Variants in SLC10A1 observed in about 807,000 individuals in gnomAD.
SLC10A1 encodes solute carrier family 10 member 1, also known as hepatic sodium/bile acid cotransporter.
SLC10A1 carries 36 observed loss-of-function variants against 20.5 expected under a neutral mutation model. The observed-to-expected ratio is 1.75, with a 90% CI of 1.34 to 2.32. The LOEUF is 2.32. Among genes scored for constraint, SLC10A1 ranks in the 30% most tolerant of loss-of-function variants. SLC10A1 has a pLI of 0.00. For synonymous variants in SLC10A1, 188 were observed against 163.6 expected (o/e 1.15, Z -1.14); for missense variants, 545 against 439.1 (o/e 1.24, Z -2.16).
At position 69,784,722 on chromosome 14, in the gene SLC10A1, TGA is replaced by T. The variant is rs201897717; in HGVS notation, c.567+1373_567+1374del. On this transcript the variant is annotated intron_variant, in intron 2 of 4. Transcript: ENST00000216540. ...AACCAATACAGAGATATTTTAGAAATGAGAGAGAGGGGAGGCTGCTGGGCCAG... is the reference window on the plus strand; with the variant it reads ...AACCAATACAGAGATATTTTAGAAATGAGAGAGGGGAGGCTGCTGGGCCAG... Among the ~76,000 whole-genome samples the T allele has an allele frequency of 5.0e-3, 759 of 151,916 alleles. 4 individuals are homozygous for T. Among genetic ancestry groups the T allele is most frequent in the African/African-American group, 0.017 (709 of 41,376 alleles).
Position 69,779,176 on chromosome 14 carries a change from A to G in SLC10A1, c.746+6T>C, listed in dbSNP as rs1299265564. On this transcript the variant is annotated splice_donor_region_variant and intron_variant, in intron 3 of 4. Transcript: ENST00000216540. ...ACCCTTTCTTAAAAAAAAAAAAAAT[A>G]CCTACCGTCCATTGAGGCAGAAGAG... The G allele has an allele frequency of 6.4e-7, 1 of 1,561,400 alleles. No individual in the cohort carries two copies. The highest frequency in any genetic ancestry group is 2.3e-5 in the East Asian group (1 of 43,996).
chr14:69,780,477 C>T (rs1232014814), intron 2 of SLC10A1, among the ~76,000 whole-genome samples: 1 of 151,596 alleles, frequency 6.6e-6, no homozygotes, highest in African/African-American at 2.4e-5. Context: ...TTTTATATTT[C>T]CTAGTAACAT....
chr14:69,795,637 TC>T (rs1882373842), intron 1 of SLC10A1, among the ~76,000 whole-genome samples: 2 of 152,262 alleles, frequency 1.3e-5, no homozygotes, highest in South Asian at 4.1e-4. Flanking sequence ...GGTCTTAAAC[TC>T]CTGGTCTCAA....
intron 2 of SLC10A1, among the ~76,000 whole-genome samples, chr14:69,784,866 C>T (rs1883675093): frequency 6.6e-6 from 1 of 152,088 alleles, no homozygotes; most frequent in South Asian, 2.1e-4. Context: ...CCTCCATGTC[C>T]TCCAGCAGGC....
chr14:69,778,659 C>T (rs2139710160), intron 3 of SLC10A1, 130 bp from the exon 4 acceptor site: 1 of 710,240 alleles, frequency 1.4e-6, no homozygotes, highest in Non-Finnish European at 2.2e-6. Flanking sequence ...TTTGCTATTG[C>T]TGCTGGTGTT....
At chr14:69,778,181 C>T in intron 4 of SLC10A1, 152 bp downstream of exon 4, 1 of 583,668 alleles carries the variant, frequency 1.7e-6, no homozygotes, top group South Asian at 3.0e-5. Context: ...ATCTTTAATG[C>T]TTCTTGGGTG....
rs561454861 is a variant in SLC10A1 at position 69,788,102 on chromosome 14, G to T, written c.357-1795C>A. Among the ~76,000 whole-genome samples, 513 of 152,030 alleles carry T rather than the reference G, an allele frequency of 3.4e-3. 6 individuals carry two copies. The highest frequency in any genetic ancestry group is 2.2e-3 in the Non-Finnish European group (149 of 67,994). ...ACTCAAGCTGAAGCTTCATAGAGGGGTTCTGGAGGGGAGTGGGGTGTTAGT... is the reference window on the plus strand; with the variant it reads ...ACTCAAGCTGAAGCTTCATAGAGGGTTTCTGGAGGGGAGTGGGGTGTTAGT... On this transcript the variant is annotated intron_variant, in intron 1 of 4. Transcript: ENST00000216540.
intron 2 of SLC10A1, among the ~76,000 whole-genome samples, chr14:69,782,126 C>A (rs571110366): frequency 1.3e-5 from 2 of 152,330 alleles, no homozygotes; most frequent in South Asian, 4.1e-4. Context: ...GTCTCTGCAT[C>A]CTCACAGGAG....
intron 2 of SLC10A1, 29 bp downstream of exon 2, chr14:69,786,068 C>T: frequency 1.3e-6 from 2 of 1,576,322 alleles, no homozygotes; most frequent in Non-Finnish European, 1.7e-6. Context: ...CTCTTTTGCC[C>T]TAATTTGTCA....
In SLC10A1 at chr14:69,776,351, T is replaced by C; in HGVS notation, c.981A>G (p.Glu327=). The stretch of plus-strand genomic sequence containing the variant: ...TTCCCAGAGCTCCTGGAATTGTTTC[T>C]TCAGTTGTGGCAGCTGTGTAGATCA... The part of the protein sequence containing the change: ...TKMIYTAATT[E]ETIPGALGNG... Residue 327 remains glutamate (E), a synonymous_variant, in exon 5 of 5, where the codon GAA becomes GAG. Coordinates refer to ENST00000216540, the MANE Select transcript of SLC10A1 (RefSeq NM_003049.4). 6.2e-7 allele frequency: 1 copy of C among 1,614,034 alleles called. No homozygotes were observed.
At position 69,786,323 on chromosome 14, in the gene SLC10A1, G is replaced by C. The variant is rs1187043179; in HGVS notation, c.357-16C>G. Reference sequence around the variant, plus strand: ...CATCACAATGCTGGTGGGAGACATGGGAAGAGGGGAGAGAGAGAGAGCCCA... The same window carrying C: ...CATCACAATGCTGGTGGGAGACATGCGAAGAGGGGAGAGAGAGAGAGCCCA... On this transcript the variant is annotated splice_polypyrimidine_tract_variant and intron_variant, in intron 1 of 4. Transcript: ENST00000216540. The C allele has an allele frequency of 5.0e-6, 8 of 1,607,746 alleles. No individual in the cohort carries two copies. Among genetic ancestry groups the C allele is most frequent in the South Asian group, 1.1e-5 (1 of 90,928 alleles).
intron 1 of SLC10A1, among the ~76,000 whole-genome samples, chr14:69,792,966 G>T (rs1201157364): frequency 6.6e-6 from 1 of 152,082 alleles, no homozygotes; most frequent in African/African-American, 2.4e-5. Context: ...GAAAAGGGTC[G>T]GTGGAAATGC....
intron 4 of SLC10A1, 132 bp from the exon 5 acceptor site, chr14:69,776,520 G>A: frequency 1.5e-6 from 1 of 674,442 alleles, no homozygotes; most frequent in South Asian, 1.9e-5. Context: ...TTCCATCTCT[G>A]TCGTCTCTCC....
chr14:69,795,322 T>A (rs941709186), intron 1 of SLC10A1, among the ~76,000 whole-genome samples: 1 of 152,010 alleles, frequency 6.6e-6, no homozygotes, highest in Non-Finnish European at 1.5e-5. Flanking sequence ...CTGAATCATA[T>A]GGAAAAAGAG....
In SLC10A1 at chr14:69,786,129, T is replaced by TG. The variant is rs762001879; in HGVS notation, c.534dup (p.Lys179GlnfsTer99). ...ACATAGCGCATGTATTGTGGCCGTT[T>TG]GGATTTGAGGACGATCCCTATGGTG... On this transcript the variant is annotated frameshift_variant, in exon 2 of 5. Transcript: ENST00000216540. LOFTEE classifies it high-confidence loss of function. 1.2e-6 allele frequency: 2 copies of TG among 1,614,194 alleles called. No individual in the cohort carries two copies. The highest frequency in any genetic ancestry group is 2.2e-5 in the South Asian group (2 of 91,080).
intron 1 of SLC10A1, among the ~76,000 whole-genome samples, chr14:69,794,941 G>A (rs1047431724): frequency 2.0e-5 from 3 of 152,196 alleles, no homozygotes; most frequent in Admixed American, 6.5e-5. Flanking sequence ...GGCCACTGGC[G>A]ATGGGGCTGG....
intron 2 of SLC10A1, among the ~76,000 whole-genome samples, chr14:69,785,505 C>T (rs1883690166): frequency 6.6e-6 from 1 of 152,162 alleles, no homozygotes; most frequent in Admixed American, 6.5e-5. Context: ...CTCACTGTTC[C>T]CATCTCCTTG....
At chr14:69,785,909 CAT>C (rs1224465765) in intron 2 of SLC10A1, among the ~76,000 whole-genome samples, 186 bp downstream of exon 2, 3 of 151,926 alleles carry the variant, frequency 2.0e-5, no homozygotes, top group Non-Finnish European at 4.4e-5. Flanking sequence ...ACGCCAGCCT[CAT>C]GTGTTACTTC....
At chr14:69,776,421 A>C (rs763799355) in intron 4 of SLC10A1, 33 bp from the exon 5 acceptor site, 1 of 1,519,922 alleles carries the variant, frequency 6.6e-7, no homozygotes, top group South Asian at 1.1e-5. Context: ...AGGTGTAGAG[A>C]GAGAACAAGA....
Sources: allele counts gnomAD v4.1 joint callset (sites outside exome capture counted in the v4.1 genomes callset), GRCh38; gene constraint gnomAD v4.1.1; transcripts MANE v1.5; gene names NCBI Gene and HGNC (gene_info 2026-07-23, HGNC 2026-07-21).